The following LMNB1 variants were observed in gnomAD, a reference collection of about 807,000 sequenced individuals.
LMNB1 encodes the protein lamin B1.
A neutral mutation model predicts 67.1 loss-of-function variants in LMNB1; 23 were observed. The observed-to-expected ratio is 0.34, with a 90% CI of 0.25 to 0.49. The LOEUF is 0.49. Among genes scored for constraint, LMNB1 ranks in the 20% least tolerant of loss-of-function variants. LMNB1 has a pLI of 0.99. For missense variants in LMNB1, 634 were observed against 746.5 expected (o/e 0.85, Z 1.76); for synonymous variants, 281 against 282.9 (o/e 0.99, Z 0.07).
At chr5:126,809,141 C>A (rs1015295961) in intron 3 of LMNB1, among the ~76,000 whole-genome samples, 1 of 152,170 alleles carries the variant, frequency 6.6e-6, no homozygotes, top group Non-Finnish European at 1.5e-5. Flanking sequence ...TCCCAAAGTG[C>A]TAGGATTACA....
intron 1 of LMNB1, among the ~76,000 whole-genome samples, chr5:126,798,245 G>A (rs1011010024): frequency 2.0e-5 from 3 of 152,152 alleles, no homozygotes; most frequent in Non-Finnish European, 2.9e-5. Flanking sequence ...GAGGTCAGTA[G>A]TTGACCATCC....
chr5:126,817,443 G>T (rs1363004925), intron 5 of LMNB1, among the ~76,000 whole-genome samples: 1 of 152,070 alleles, frequency 6.6e-6, no homozygotes, highest in Non-Finnish European at 1.5e-5. Context: ...GATAAAAGTG[G>T]GTAACATTTT....
intron 1 of LMNB1, among the ~76,000 whole-genome samples, chr5:126,794,035 A>G (rs1329814442): frequency 6.6e-6 from 1 of 151,972 alleles, no homozygotes; most frequent in Admixed American, 6.6e-5. Flanking sequence ...CCTGGGTTCA[A>G]GCGATTCTCC....
intron 3 of LMNB1, among the ~76,000 whole-genome samples, chr5:126,808,364 T>C (rs1050865065): frequency 1.3e-5 from 2 of 151,286 alleles, no homozygotes; most frequent in African/African-American, 2.4e-5. Flanking sequence ...TTTTTTTTTT[T>C]CCTTACTTTT....
Position 126,777,758 on chromosome 5 carries a change from A to G in LMNB1, c.250A>G (p.Thr84Ala). ...ELTGLKALYE[T>A]ELADARRALD... is the part of the protein sequence containing the mutation. The stretch of plus-strand genomic sequence containing the variant: ...CACCGGCCTCAAGGCGCTCTACGAG[A>G]CCGAGCTGGCCGACGCGCGACGCGC... Residue 84 changes from threonine (T) to alanine (A), a missense_variant, in exon 1 of 11, where the codon ACC (threonine) becomes GCC (alanine). Transcript: ENST00000261366. The G allele has an allele frequency of 2.0e-6, 3 of 1,526,946 alleles. No individual in the cohort carries two copies. The highest frequency in any genetic ancestry group is 1.2e-5 in the South Asian group (1 of 82,346). 94.6% of individuals were successfully genotyped at this position (1,526,946 alleles called of 1,614,324 possible). A position where few individuals can be genotyped will look rare whatever the true frequency, so the allele number is the denominator to read the frequency against.
At chr5:126,787,534 ATATATATATATAT>A (rs1184616821) in intron 1 of LMNB1, among the ~76,000 whole-genome samples, 1 of 88,732 alleles carries the variant, frequency 1.1e-5, no homozygotes, top group Non-Finnish European at 2.2e-5. Flanking sequence ...GTATATATAT[ATATATATATATAT>A]TTTTTTTTTT....
chr5:126,778,190 G>A (rs774920492), intron 1 of LMNB1, among the ~76,000 whole-genome samples: 4 of 152,110 alleles, frequency 2.6e-5, no homozygotes, highest in Non-Finnish European at 4.4e-5. Context: ...CCGGGGAGCC[G>A]GCGCGGAGAG....
At chr5:126,800,644 CTTTTTTTTTTTTT>C (rs35363581) in intron 1 of LMNB1, among the ~76,000 whole-genome samples, 1 of 53,946 alleles carries the variant, frequency 1.9e-5, no homozygotes, top group Non-Finnish European at 3.3e-5. Context: ...ACTGTATCTT[CTTTTTTTTTTTTT>C]TTTTTTTTTT....
At chr5:126,822,652 AC>A in intron 7 of LMNB1, 128 bp from the exon 8 acceptor site, 1 of 557,824 alleles carries the variant, frequency 1.8e-6, no homozygotes, top group South Asian at 2.6e-5. Flanking sequence ...TAGTAGGAAA[AC>A]CTGAAATGTG....
chr5:126,824,843 C>T (rs1205697131), intron 8 of LMNB1, among the ~76,000 whole-genome samples: 3 of 117,570 alleles, frequency 2.6e-5, no homozygotes, highest in African/African-American at 6.4e-5. Flanking sequence ...GTTTCCACCC[C>T]ACCCCCCCAC....
intron 4 of LMNB1, among the ~76,000 whole-genome samples, chr5:126,810,787 T>C (rs1751563771): frequency 6.6e-6 from 1 of 152,242 alleles, no homozygotes. Context: ...ACTTCCGGCT[T>C]TTTTGCATAA....
At chr5:126,829,588 G>A (rs1339606938) in intron 9 of LMNB1, among the ~76,000 whole-genome samples, 1 of 151,462 alleles carries the variant, frequency 6.6e-6, no homozygotes, top group Non-Finnish European at 1.5e-5. Context: ...GCAAGCAGAA[G>A]GCAGTAGAAG....
At chr5:126,797,222 G>A (rs1191253784) in intron 1 of LMNB1, among the ~76,000 whole-genome samples, 3 of 152,200 alleles carry the variant, frequency 2.0e-5, no homozygotes, top group African/African-American at 7.2e-5. Context: ...AGCATAGAAT[G>A]CCAGTTACAT....
rs189501381 is a variant in LMNB1 at position 126,836,596 on chromosome 5, C to A, written c.*332C>A. On this transcript the variant is annotated 3_prime_UTR_variant, in exon 11 of 11. Coordinates refer to ENST00000261366, the MANE Select transcript of LMNB1 (RefSeq NM_005573.4). Reference sequence around the variant, plus strand: ...TGAGGAGGGGAGGGTAAATAAACCACTGTGCGTCTTGGTGTAATTTGAAGA... The same window carrying A: ...TGAGGAGGGGAGGGTAAATAAACCAATGTGCGTCTTGGTGTAATTTGAAGA... The A allele has an allele frequency of 2.9e-6, 1 of 348,036 alleles. No homozygotes were observed. The highest frequency in any genetic ancestry group is 5.1e-6 in the Non-Finnish European group (1 of 196,884). The allele number at this position is 348,036 out of a possible 1,614,324, so 21.6% of individuals were successfully genotyped here. A position where few individuals can be genotyped will look rare whatever the true frequency, so the allele number is the denominator to read the frequency against.
chr5:126,813,786 C>T (rs1484718774), intron 5 of LMNB1, among the ~76,000 whole-genome samples: 1 of 152,182 alleles, frequency 6.6e-6, no homozygotes, highest in Non-Finnish European at 1.5e-5. Context: ...GATCTAATTA[C>T]CACTCAAAGG....
intron 1 of LMNB1, among the ~76,000 whole-genome samples, chr5:126,787,072 A>T (rs1299214426): frequency 6.6e-6 from 1 of 152,164 alleles, no homozygotes; most frequent in Non-Finnish European, 1.5e-5. Flanking sequence ...CTTGAACCAG[A>T]TGCTGGGAAT....
At chr5:126,810,020 G>A (rs1311591629) in intron 3 of LMNB1, among the ~76,000 whole-genome samples, 160 bp from the exon 4 acceptor site, 1 of 149,382 alleles carries the variant, frequency 6.7e-6, no homozygotes, top group Non-Finnish European at 1.5e-5. Context: ...AACCTCAACT[G>A]AAAACTAAGA....
At chr5:126,798,762 A>ATGTGTGTGTGT (rs142450316) in intron 1 of LMNB1, among the ~76,000 whole-genome samples, 14 of 149,070 alleles carry the variant, frequency 9.4e-5, no homozygotes, top group African/African-American at 3.5e-4. Flanking sequence ...AAAAAAGAGA[A>ATGTGTGTGTGT]GTGTGTGTGT....
chr5:126,829,614 G>T (rs1340433546), intron 9 of LMNB1, among the ~76,000 whole-genome samples: 1 of 151,742 alleles, frequency 6.6e-6, no homozygotes, highest in East Asian at 2.0e-4. Flanking sequence ...TAAAAGAATG[G>T]ACAATCCAGC....
Sources: allele counts gnomAD v4.1 joint callset (sites outside exome capture counted in the v4.1 genomes callset), GRCh38; gene constraint gnomAD v4.1.1; transcripts MANE v1.5; gene names NCBI Gene and HGNC (gene_info 2026-07-23, HGNC 2026-07-21).